ROS1: variants seen among roughly 807,000 people sequenced by gnomAD.
ROS1 encodes proto-oncogene tyrosine-protein kinase ROS.
In ROS1, 263 loss-of-function variants were observed where a neutral mutation model predicts 273.5. That is an observed-to-expected ratio of 0.96 (90% CI 0.87 to 1.06). The LOEUF (loss-of-function observed/expected upper bound fraction) is 1.06. Ranked by LOEUF, ROS1 falls within the 50% of genes least tolerant of loss-of-function variation. The pLI is 0.00. For synonymous variants in ROS1, 1,008 were observed against 954.1 expected, an observed-to-expected ratio of 1.06 and a Z score of -1.04; for missense variants, 2,833 against 2,751.1, an observed-to-expected ratio of 1.03 and a Z score of -0.67.
chr6:117,396,412 A>G (rs1366163292), intron 8 of ROS1, 148 bp from the exon 9 acceptor site: 5 of 646,046 alleles, frequency 7.7e-6, no homozygotes, highest in Non-Finnish European at 1.4e-5. Flanking sequence ...CAGCACCGAA[A>G]TGACCATCAA....
chr6:117,323,842 C>T (rs1360215876), intron 35 of ROS1, among the ~76,000 whole-genome samples: 2 of 152,104 alleles, frequency 1.3e-5, no homozygotes, highest in Non-Finnish European at 1.5e-5. Flanking sequence ...GTCGATCCCA[C>T]AAGCCAGAAA....
Position 117,317,087 on chromosome 6 carries a change from G to A in ROS1, c.6117+56C>T, listed in dbSNP as rs2128555310. 5.8e-6 allele frequency: 9 copies of A among 1,544,566 alleles called. No homozygotes were observed. In the South Asian group the frequency reaches 6.3e-5, roughly 11 times the overall value. On this transcript the variant is annotated intron_variant, in intron 39 of 43. Coordinates refer to ENST00000368507, the MANE Select transcript of ROS1 (RefSeq NM_001378902.1). Reference sequence around the variant, plus strand: ...CTATTAAATTTAAAGAAAATTAATAGGGAATTATAGGGCATTTGCATTATG... The same window carrying A: ...CTATTAAATTTAAAGAAAATTAATAAGGAATTATAGGGCATTTGCATTATG...
At chr6:117,324,214 T>G (rs1032488120) in intron 35 of ROS1, 118 bp downstream of exon 35, 3 of 631,700 alleles carry the variant, frequency 4.7e-6, no homozygotes, top group African/African-American at 3.8e-5. Context: ...AATGTAAATT[T>G]TATTAACTTA....
At chr6:117,317,435 T>C (rs1775998831) in intron 38 of ROS1, among the ~76,000 whole-genome samples, 163 bp from the exon 39 acceptor site, 1 of 152,124 alleles carries the variant, frequency 6.6e-6, no homozygotes, top group Non-Finnish European at 1.5e-5. Flanking sequence ...TGTGCTTACC[T>C]TAAAGAGGTA....
At chr6:117,389,942 CT>C in intron 12 of ROS1, 96 bp from the exon 13 acceptor site, 3 of 1,075,988 alleles carry the variant, frequency 2.8e-6, no homozygotes, top group Non-Finnish European at 4.0e-6. Flanking sequence ...ACAATCAGAA[CT>C]ATGTATCTCT....
intron 43 of ROS1, among the ~76,000 whole-genome samples, chr6:117,290,587 T>C (rs568610062): frequency 2.6e-5 from 4 of 152,302 alleles, no homozygotes; most frequent in African/African-American, 9.6e-5. Flanking sequence ...ACTAGACATA[T>C]GCCGGCTGAC....
intron 43 of ROS1, among the ~76,000 whole-genome samples, chr6:117,296,684 T>C (rs570948963): frequency 1.3e-4 from 20 of 151,374 alleles, no homozygotes; most frequent in Admixed American, 2.0e-4. Flanking sequence ...GGTGGGGGAG[T>C]TGGGGATGGT....
At chr6:117,414,233 C>A (rs1399109530) in intron 4 of ROS1, among the ~76,000 whole-genome samples, 1 of 152,084 alleles carries the variant, frequency 6.6e-6, no homozygotes, top group African/African-American at 2.4e-5. Flanking sequence ...GGATTATAAC[C>A]TCCCAAACCA....
At chr6:117,412,962 T>C (rs1304811003) in intron 4 of ROS1, among the ~76,000 whole-genome samples, 1 of 152,112 alleles carries the variant, frequency 6.6e-6, no homozygotes, top group African/African-American at 2.4e-5. Context: ...TTTTTTTTTC[T>C]ATCTCAATGA....
chr6:117,409,565 CGT>C lies in ROS1; in HGVS notation c.316+15_316+16del. ...GTGGTGCAGCCTATTTTTTAAAAGT[CGT>C]GTGTGTCCTCTTACCCAGTACTTCC... On this transcript the variant is annotated intron_variant, in intron 5 of 43. Coordinates refer to ENST00000368507, the MANE Select transcript of ROS1 (RefSeq NM_001378902.1). 6.2e-7 allele frequency: 1 copy of C among 1,605,088 alleles called. No individual in the cohort carries two copies. Among genetic ancestry groups the C allele is most frequent in the Non-Finnish European group, 8.5e-7 (1 of 1,172,066 alleles).
intron 9 of ROS1, 150 bp downstream of exon 9, chr6:117,396,038 G>T: frequency 2.2e-6 from 1 of 457,210 alleles, no homozygotes. Context: ...CATTTAAAAT[G>T]GAAAACTTAA....
intron 18 of ROS1, among the ~76,000 whole-genome samples, chr6:117,369,130 C>A (rs1370068812): frequency 2.0e-5 from 3 of 151,632 alleles, no homozygotes; most frequent in African/African-American, 7.3e-5. Flanking sequence ...CTCTGGAATC[C>A]CAATCTCTAT....
At chr6:117,391,216 A>T (rs1402242815) in intron 12 of ROS1, among the ~76,000 whole-genome samples, 1 of 152,196 alleles carries the variant, frequency 6.6e-6, no homozygotes, top group East Asian at 1.9e-4. Flanking sequence ...TTCCCTGAGG[A>T]CGGATTGTAG....
intron 43 of ROS1, 65 bp from the exon 44 acceptor site, chr6:117,288,867 G>T (rs2128521565): frequency 7.7e-7 from 1 of 1,301,016 alleles, no homozygotes; most frequent in Non-Finnish European, 1.0e-6. Context: ...TAATATACAA[G>T]CTATATCAGA....
chr6:117,365,326 GT>G, intron 20 of ROS1, 122 bp from the exon 21 acceptor site: 1 of 1,099,564 alleles, frequency 9.1e-7, no homozygotes, highest in Non-Finnish European at 1.3e-6. Flanking sequence ...AATTTTGGAA[GT>G]GCTAATTTTG....
Position 117,341,576 on chromosome 6 carries a change from T to C in ROS1, c.4708A>G (p.Ile1570Val), listed in dbSNP as rs200762545. ...TTVRSDTSLIISWRESHKPNG... is the reference protein window; with the variant it reads ...TTVRSDTSLIVSWRESHKPNG... The stretch of plus-strand genomic sequence containing the variant: ...GGCTTGTGAGATTCTCTCCAAGATA[T>C]AATGAGGCTGGTGTCTGACCGCACA... The change falls in exon 30 of 44, where the codon ATA becomes GTA. Residue 1570 changes from isoleucine to valine, a missense_variant. Physicochemically the swap from Ile to Val is conservative, Grantham distance 29 (BLOSUM62 3). Coordinates refer to ENST00000368507, the MANE Select transcript of ROS1 (RefSeq NM_001378902.1). The C allele has an allele frequency of 4.3e-6, 7 of 1,613,778 alleles. No individual in the cohort carries two copies. The African/African-American group carries it at 6.7e-5, about 15-fold the overall frequency.
chr6:117,367,775 G>A (rs1780389974), intron 18 of ROS1, among the ~76,000 whole-genome samples: 1 of 152,164 alleles, frequency 6.6e-6, no homozygotes, highest in South Asian at 2.1e-4. Flanking sequence ...CTGCATCTGG[G>A]TGAAGCTGAT....
intron 18 of ROS1, among the ~76,000 whole-genome samples, chr6:117,367,001 T>C (rs1018564926): frequency 3.3e-5 from 5 of 152,120 alleles, no homozygotes; most frequent in Non-Finnish European, 7.3e-5. Context: ...TGCATTAGCA[T>C]AAGAAAGACA....
At chr6:117,351,093 C>T (rs778956112) in intron 27 of ROS1, among the ~76,000 whole-genome samples, 1 of 152,166 alleles carries the variant, frequency 6.6e-6, no homozygotes, top group Non-Finnish European at 1.5e-5. Context: ...AAAGCAACTG[C>T]TGTAAATGGG....
Sources: gnomAD v4.1 joint callset for allele counts (sites outside exome capture counted in the v4.1 genomes callset) on GRCh38, gnomAD v4.1.1 for gene constraint, MANE v1.5 for transcripts, NCBI Gene and HGNC (gene_info 2026-07-23, HGNC 2026-07-21) for gene names.